Variants in HS6ST3 observed in about 807,000 individuals in gnomAD.
The protein encoded by HS6ST3 is heparan-sulfate 6-O-sulfotransferase 3.
Under a neutral mutation model 36.7 loss-of-function variants are expected in HS6ST3, and 12 were observed. The observed-to-expected ratio is 0.33, with a 90% CI of 0.21 to 0.53. The LOEUF (loss-of-function observed/expected upper bound fraction) is 0.53. Ranked by LOEUF, HS6ST3 falls within the 20% of genes least tolerant of loss-of-function variation. The probability of loss-of-function intolerance (pLI) is 0.95; values close to 1 mark genes in which losing one functional copy is unlikely to be tolerated. For missense variants in HS6ST3, 584 were observed against 640.9 expected, an observed-to-expected ratio of 0.91 and a Z score of 0.96; for synonymous variants, 240 against 257.5, an observed-to-expected ratio of 0.93 and a Z score of 0.65.
intron 1 of HS6ST3, among the ~76,000 whole-genome samples, chr13:96,578,009 C>T (rs751581716): frequency 3.0e-4 from 46 of 152,134 alleles, no homozygotes; most frequent in Non-Finnish European, 7.3e-5. Context: ...ATTTAAAATG[C>T]CAAGTGGTGG....
intron 1 of HS6ST3, among the ~76,000 whole-genome samples, chr13:96,135,284 A>T (rs569128701): frequency 3.5e-4 from 53 of 152,178 alleles, no homozygotes; most frequent in Non-Finnish European, 6.9e-4. Flanking sequence ...ATCACCGTGG[A>T]CTTTCTTTCC....
chr13:96,788,333 G>A (rs1877702381), intron 1 of HS6ST3, among the ~76,000 whole-genome samples: 1 of 151,770 alleles, frequency 6.6e-6, no homozygotes, highest in Non-Finnish European at 1.5e-5. Flanking sequence ...GGGAGAATTG[G>A]TATATTCACT....
chr13:96,767,385 A>G (rs903729647), intron 1 of HS6ST3, among the ~76,000 whole-genome samples: 1 of 152,200 alleles, frequency 6.6e-6, no homozygotes, highest in African/African-American at 2.4e-5. Flanking sequence ...CTATGTCTCA[A>G]TCAAAGCTCT....
chr13:96,330,271 C>G (rs186463529), intron 1 of HS6ST3, among the ~76,000 whole-genome samples: 1 of 151,778 alleles, frequency 6.6e-6, no homozygotes, highest in African/African-American at 2.4e-5. Context: ...CAGTTTCTTC[C>G]TAGTCTTGAT....
At chr13:96,161,721 A>G (rs963017868) in intron 1 of HS6ST3, among the ~76,000 whole-genome samples, 3 of 152,224 alleles carry the variant, frequency 2.0e-5, no homozygotes, top group Admixed American at 1.3e-4. Flanking sequence ...TTATAAAACC[A>G]ACAAATTCAT....
At chr13:96,571,408 G>T (rs572981006) in intron 1 of HS6ST3, among the ~76,000 whole-genome samples, 6 of 152,206 alleles carry the variant, frequency 3.9e-5, no homozygotes, top group African/African-American at 1.2e-4. Flanking sequence ...ATATAAATAA[G>T]GTCAATGATA....
intron 1 of HS6ST3, among the ~76,000 whole-genome samples, chr13:96,485,110 A>G (rs1038180980): frequency 6.6e-6 from 1 of 152,140 alleles, no homozygotes; most frequent in Non-Finnish European, 1.5e-5. Context: ...CAGTTTATCA[A>G]TGTCCACAAA....
intron 1 of HS6ST3, among the ~76,000 whole-genome samples, chr13:96,174,687 T>G (rs1307928244): frequency 6.6e-6 from 1 of 152,210 alleles, no homozygotes; most frequent in Non-Finnish European, 1.5e-5. Flanking sequence ...TTTAAATGCT[T>G]AAAAACTGAA....
At chr13:96,286,892 G>T (rs372026773) in intron 1 of HS6ST3, among the ~76,000 whole-genome samples, 8 of 152,130 alleles carry the variant, frequency 5.3e-5, no homozygotes, top group South Asian at 2.1e-4. Context: ...GTGAGGTGGT[G>T]TGTATATGTA....
intron 1 of HS6ST3, among the ~76,000 whole-genome samples, chr13:96,682,431 A>C (rs972995445): frequency 2.6e-5 from 4 of 152,138 alleles, no homozygotes; most frequent in Non-Finnish European, 5.9e-5. Context: ...GTTATATTTA[A>C]AGATTTGTAG....
intron 1 of HS6ST3, among the ~76,000 whole-genome samples, chr13:96,221,363 T>C (rs1394712604): frequency 6.6e-6 from 1 of 152,184 alleles, no homozygotes; most frequent in Non-Finnish European, 1.5e-5. Context: ...TTATTTATTG[T>C]TTCATTGCCT....
rs148204858 is a variant in HS6ST3 at position 96,417,009 on chromosome 13, C to G, written c.707+325440C>G. Among the ~76,000 whole-genome samples the G allele has an allele frequency of 5.1e-3, 770 of 152,262 alleles. 9 individuals carry two copies. The highest frequency in any genetic ancestry group is 0.018 in the African/African-American group (730 of 41,538). ...TTGTGATCCGCCCGCCTCTGCCTCC[C>G]GAAATGCTGGGATTACAGGCGTGAG... is the stretch of plus-strand genomic sequence containing the variant. On this transcript the variant is annotated intron_variant, in intron 1 of 1. Transcript: ENST00000376705.
At chr13:96,498,798 T>A (rs2055989622) in intron 1 of HS6ST3, among the ~76,000 whole-genome samples, 1 of 152,186 alleles carries the variant, frequency 6.6e-6, no homozygotes, top group African/African-American at 2.4e-5. Context: ...GTGTCCCCGT[T>A]CTTATTTGGT....
intron 1 of HS6ST3, among the ~76,000 whole-genome samples, chr13:96,262,355 T>G (rs1235304161): frequency 6.6e-6 from 1 of 152,126 alleles, no homozygotes; most frequent in African/African-American, 2.4e-5. Context: ...ACAGAAGCAT[T>G]AAAGTGGGAA....
rs562106883 is a variant in HS6ST3 at position 96,713,867 on chromosome 13, A to T, written c.708-118623A>T. 3.4e-3 allele frequency among the ~76,000 whole-genome samples: 520 copies of T among 152,286 alleles called. 3 individuals carry two copies. Among genetic ancestry groups the T allele is most frequent in the Middle Eastern group, 6.8e-3 (2 of 294 alleles). On this transcript the variant is annotated intron_variant, in intron 1 of 1. Transcript: ENST00000376705. ...AAAAAATAAATAATTACTGGAGCAG[A>T]ACAAAGAGCCTAGCAATCTCCTTCA...
At chr13:96,220,780 G>A (rs1261775097) in intron 1 of HS6ST3, among the ~76,000 whole-genome samples, 3 of 151,972 alleles carry the variant, frequency 2.0e-5, no homozygotes, top group Non-Finnish European at 2.9e-5. Context: ...TATAATTGTT[G>A]AAATTAATGT....
chr13:96,516,846 C>G (rs1306188510), intron 1 of HS6ST3, among the ~76,000 whole-genome samples: 2 of 152,200 alleles, frequency 1.3e-5, no homozygotes, highest in African/African-American at 4.8e-5. Context: ...AGGCATTTTT[C>G]TCACACAAAG....
intron 1 of HS6ST3, among the ~76,000 whole-genome samples, chr13:96,366,741 A>G (rs2055264965): frequency 6.6e-6 from 1 of 152,010 alleles, no homozygotes. Flanking sequence ...AAATTTCTTG[A>G]TATGGTTTGG....
At chr13:96,687,919 G>C (rs868257605) in intron 1 of HS6ST3, among the ~76,000 whole-genome samples, 7 of 151,860 alleles carry the variant, frequency 4.6e-5, no homozygotes, top group South Asian at 4.2e-4. Context: ...TCTGTGAATG[G>C]GTTTGACTAT....
Sources: gnomAD v4.1 joint callset for allele counts (sites outside exome capture counted in the v4.1 genomes callset) on GRCh38, gnomAD v4.1.1 for gene constraint, MANE v1.5 for transcripts, NCBI Gene and HGNC (gene_info 2026-07-23, HGNC 2026-07-21) for gene names.